ADAMTS5: variants seen among roughly 807,000 people sequenced by gnomAD.
The protein encoded by ADAMTS5 is ADAM metallopeptidase with thrombospondin type 1 motif 5, also known as A disintegrin and metalloproteinase with thrombospondin motifs 5.
Under a neutral mutation model 81.4 loss-of-function variants are expected in ADAMTS5, and 54 were observed. That is an observed-to-expected ratio of 0.66 (90% CI 0.53 to 0.83). The LOEUF is 0.83. Among genes scored for constraint, ADAMTS5 ranks in the 40% least tolerant of loss-of-function variants. ADAMTS5 has a pLI of 0.00. For missense variants in ADAMTS5, 1,194 were observed against 1,229.9 expected, an observed-to-expected ratio of 0.97 and a Z score of 0.44; for synonymous variants, 532 against 508.8, an observed-to-expected ratio of 1.05 and a Z score of -0.61.
chr21:26,953,170 G>T (rs1185846336), intron 2 of ADAMTS5, among the ~76,000 whole-genome samples: 2 of 152,174 alleles, frequency 1.3e-5, no homozygotes, highest in Non-Finnish European at 2.9e-5. Flanking sequence ...CTCCTCATTA[G>T]CCCACTTTAT....
chr21:26,950,142 G>A (rs1258162498), intron 2 of ADAMTS5, among the ~76,000 whole-genome samples: 1 of 152,206 alleles, frequency 6.6e-6, no homozygotes, highest in East Asian at 1.9e-4. Context: ...GTCTTTCACA[G>A]TAGAGAGATT....
chr21:26,960,662 T>TGTGAGAAGAA (rs1987512857), intron 1 of ADAMTS5, among the ~76,000 whole-genome samples: 1 of 152,192 alleles, frequency 6.6e-6, no homozygotes, highest in African/African-American at 2.4e-5. Flanking sequence ...CTTTCTGGAC[T>TGTGAGAAGAA]CCAGAACTGT....
chr21:26,927,026 C>A (rs1280195703), intron 7 of ADAMTS5, among the ~76,000 whole-genome samples: 1 of 152,102 alleles, frequency 6.6e-6, no homozygotes, highest in African/African-American at 2.4e-5. Context: ...AGATGATTCT[C>A]TTGATATTCC....
At chr21:26,933,246 C>T (rs1986948815) in intron 4 of ADAMTS5, among the ~76,000 whole-genome samples, 1 of 152,182 alleles carries the variant, frequency 6.6e-6, no homozygotes, top group African/African-American at 2.4e-5. Context: ...ACCCTCCCAA[C>T]TCCAGCACTA....
intron 3 of ADAMTS5, 101 bp from the exon 4 acceptor site, chr21:26,934,850 G>T: frequency 1.4e-6 from 2 of 1,468,596 alleles, no homozygotes; most frequent in East Asian, 2.3e-5. Flanking sequence ...GTTGGAGCAC[G>T]AGGCACCCAT....
Position 26,921,126 on chromosome 21 carries a change from A to G in ADAMTS5, c.*2927T>C, listed in dbSNP as rs1326108005. On this transcript the variant is annotated 3_prime_UTR_variant, in exon 8 of 8. Transcript: ENST00000284987. ...ATAATTTTATCACACAAATTCACAT[A>G]CCAGTTGCAAAAACAATAAATTACT... The G allele has an allele frequency of 6.6e-6, 1 of 152,498 alleles. No individual in the cohort carries two copies. Among genetic ancestry groups the G allele is most frequent in the Non-Finnish European group, 1.5e-5 (1 of 67,958 alleles). 9.4% of individuals were successfully genotyped at this position (152,498 alleles called of 1,614,324 possible). A position where few individuals can be genotyped will look rare whatever the true frequency, so the allele number is the denominator to read the frequency against.
At chr21:26,931,476 A>G (rs1986905440) in intron 6 of ADAMTS5, among the ~76,000 whole-genome samples, 1 of 152,226 alleles carries the variant, frequency 6.6e-6, no homozygotes, top group South Asian at 2.1e-4. Flanking sequence ...TCCATACACA[A>G]ATATTATACA....
chr21:26,953,390 A>C (rs1388110228), intron 2 of ADAMTS5, among the ~76,000 whole-genome samples: 1 of 152,190 alleles, frequency 6.6e-6, no homozygotes, highest in Middle Eastern at 3.2e-3. Flanking sequence ...GGAGGTAAGA[A>C]ACGTGTCAGG....
At chr21:26,958,737 G>T (rs1034569550) in intron 1 of ADAMTS5, among the ~76,000 whole-genome samples, 1 of 152,182 alleles carries the variant, frequency 6.6e-6, no homozygotes, top group African/African-American at 2.4e-5. Context: ...CTGAGCTTTA[G>T]GGAACATCAG....
intron 1 of ADAMTS5, among the ~76,000 whole-genome samples, chr21:26,959,084 C>T (rs1987479455): frequency 6.6e-6 from 1 of 152,098 alleles, no homozygotes; most frequent in South Asian, 2.1e-4. Flanking sequence ...GAAGCTTTCT[C>T]TGACAAATGT....
intron 1 of ADAMTS5, among the ~76,000 whole-genome samples, chr21:26,958,585 A>C (rs1325059808): frequency 6.6e-6 from 1 of 152,210 alleles, no homozygotes; most frequent in Non-Finnish European, 1.5e-5. Context: ...CCTAAGGGAT[A>C]CCAAACACAC....
chr21:26,956,164 A>G (rs1372139556), intron 1 of ADAMTS5, among the ~76,000 whole-genome samples: 2 of 152,198 alleles, frequency 1.3e-5, no homozygotes, highest in Non-Finnish European at 2.9e-5. Flanking sequence ...TACATACTCA[A>G]TGGCAACATA....
At chr21:26,933,978 C>T (rs1174084615) in intron 4 of ADAMTS5, among the ~76,000 whole-genome samples, 2 of 152,112 alleles carry the variant, frequency 1.3e-5, no homozygotes, top group Non-Finnish European at 2.9e-5. Flanking sequence ...ACGTGTTTCC[C>T]CGGAGCAGTC....
rs116733868 is a variant in ADAMTS5, at chr21:26,947,070, G to C, written c.1238-3523C>G. 9.5e-3 allele frequency among the ~76,000 whole-genome samples: 1,448 copies of C among 152,320 alleles called. 18 individuals are homozygous for C. Among genetic ancestry groups the C allele is most frequent in the African/African-American group, 0.033 (1,365 of 41,574 alleles). Reference sequence around the variant, plus strand: ...TTTAAAGCAGAGGTAGTGAAGTCTTGCTTTAGGGAAGAATTAGTGTTTGTG... The same window carrying C: ...TTTAAAGCAGAGGTAGTGAAGTCTTCCTTTAGGGAAGAATTAGTGTTTGTG... On this transcript the variant is annotated intron_variant, in intron 2 of 7. Coordinates refer to ENST00000284987, the MANE Select transcript of ADAMTS5 (RefSeq NM_007038.5).
In ADAMTS5 at chr21:26,965,221, A is replaced by G; in HGVS notation, c.1104+67T>C. 6 of 1,536,858 alleles carry G rather than the reference A, an allele frequency of 3.9e-6. No individual in the cohort carries two copies. In the Admixed American group the frequency reaches 1.2e-4, roughly 30 times the overall value. ...GGTTTGAGGGAGAAGCAAAGCCACC[A>G]GCAAGATTCCCTTCTACCTACCTCC... is the stretch of plus-strand genomic sequence containing the variant. On this transcript the variant is annotated intron_variant, in intron 1 of 7. Transcript: ENST00000284987.
chr21:26,966,254 C>T lies in ADAMTS5; in HGVS notation c.138G>A (p.Arg46=), dbSNP rs1484423162. 6.3e-7 allele frequency: 1 copy of T among 1,594,732 alleles called. No homozygotes were observed. Among genetic ancestry groups the T allele is most frequent in the Non-Finnish European group, 8.5e-7 (1 of 1,173,180 alleles). The change falls in exon 1 of 8, where the codon CGG becomes CGA. Residue 46 remains arginine (R), a synonymous_variant. Transcript: ENST00000284987. ...TAAAAAQPRR[R]QGEEVQERAE... ...CTCGCTCCTGCACCTCCTCCCCCTG[C>T]CGCCGGCGGGGCTGGGCGGCTGCTG... is the stretch of plus-strand genomic sequence containing the variant.
intron 2 of ADAMTS5, among the ~76,000 whole-genome samples, chr21:26,944,386 T>A (rs117900995): frequency 2.6e-5 from 4 of 152,182 alleles, no homozygotes; most frequent in Non-Finnish European, 5.9e-5. Context: ...CCAACAATGT[T>A]CTCTGAAGTT....
At chr21:26,930,180 GAAA>G (rs34738885) in intron 6 of ADAMTS5, 119 bp from the exon 7 acceptor site, 6 of 646,430 alleles carry the variant, frequency 9.3e-6, no homozygotes, top group South Asian at 4.6e-5. Context: ...ACAGTCCATT[GAAA>G]AAAAAAAAAG....
intron 1 of ADAMTS5, among the ~76,000 whole-genome samples, chr21:26,961,051 A>G (rs948395561): frequency 1.3e-5 from 2 of 152,188 alleles, no homozygotes; most frequent in South Asian, 4.1e-4. Context: ...TACTTTTTAA[A>G]TCTCTGAATC....
Sources: gnomAD v4.1 joint callset for allele counts (sites outside exome capture counted in the v4.1 genomes callset) on GRCh38, gnomAD v4.1.1 for gene constraint, MANE v1.5 for transcripts, NCBI Gene and HGNC (gene_info 2026-07-23, HGNC 2026-07-21) for gene names.